Variants in LRBA observed in about 807,000 individuals in gnomAD.
LRBA encodes LPS responsive beige-like anchor protein.
In LRBA, 176 loss-of-function variants were observed where a neutral mutation model predicts 330.0. That is an observed-to-expected ratio of 0.53 (90% confidence interval 0.47 to 0.60). The LOEUF (loss-of-function observed/expected upper bound fraction) is 0.60. LRBA is among the 20% of genes least tolerant of loss of function. LRBA has a pLI of 0.00. For missense variants in LRBA, 3,259 were observed against 3,444.8 expected, an observed-to-expected ratio of 0.95 and a Z score of 1.35; for synonymous variants, 1,230 against 1,193.0, an observed-to-expected ratio of 1.03 and a Z score of -0.64.
chr4:150,542,148 A>C (rs1008998610), intron 40 of LRBA, among the ~76,000 whole-genome samples: 1 of 152,204 alleles, frequency 6.6e-6, no homozygotes, highest in Admixed American at 6.5e-5. Context: ...AATCTCAAAC[A>C]AAAATGGGTT....
At chr4:150,449,130 T>C (rs1045762406) in intron 44 of LRBA, among the ~76,000 whole-genome samples, 1 of 151,994 alleles carries the variant, frequency 6.6e-6, no homozygotes, top group African/African-American at 2.4e-5. Context: ...TCATTCCAGG[T>C]CCTAAGCAAA....
chr4:150,522,972 G>C (rs771645414), intron 40 of LRBA, among the ~76,000 whole-genome samples: 3 of 152,046 alleles, frequency 2.0e-5, no homozygotes, highest in Non-Finnish European at 4.4e-5. Flanking sequence ...TGGAGTTGTG[G>C]GACCTGTCCC....
At position 150,805,590 on chromosome 4, in the gene LRBA, GGAAAGGAAAGGAAAA is replaced by G. The variant is rs1186236176; in HGVS notation, c.5518+666_5518+680del. ...GGAAAGGAAAGGAAAGGAAAGGAAA[GGAAAGGAAAGGAAAA>G]GAAAGGAAAGGAAAGGAAAGGAGAA... On this transcript the variant is annotated intron_variant, in intron 33 of 56. Coordinates refer to ENST00000651943, the MANE Select transcript of LRBA (RefSeq NM_001364905.1). Among the ~76,000 whole-genome samples the G allele has an allele frequency of 7.5e-4, 79 of 105,458 alleles. 1 individual carries two copies. The highest frequency in any genetic ancestry group is 2.8e-3 in the African/African-American group (73 of 25,932). The allele number at this position is 105,458 out of a possible 152,430, so 69.2% of individuals were successfully genotyped here. A position where few individuals can be genotyped will look rare whatever the true frequency, so the allele number is the denominator to read the frequency against.
chr4:150,878,410 A>G (rs571825990), intron 17 of LRBA, among the ~76,000 whole-genome samples: 1 of 152,112 alleles, frequency 6.6e-6, no homozygotes, highest in African/African-American at 2.4e-5. Flanking sequence ...TAAAATTAAC[A>G]ATCTAACATC....
Position 150,849,396 on chromosome 4 carries a change from A to G in LRBA, c.4158+26T>C, listed in dbSNP as rs376873269. The stretch of plus-strand genomic sequence containing the variant: ...GCATAACACTCATGTTTTCACACCA[A>G]TTTTCTATAGTAATTAAGTCCTTAC... On this transcript the variant is annotated intron_variant, in intron 25 of 56. Transcript: ENST00000651943. The G allele has an allele frequency of 7.0e-5, 113 of 1,609,378 alleles. No homozygotes were observed. In the African/African-American group the frequency reaches 1.4e-3, roughly 20 times the overall value.
intron 44 of LRBA, among the ~76,000 whole-genome samples, chr4:150,449,797 T>C (rs990148565): frequency 5.3e-5 from 8 of 152,146 alleles, no homozygotes; most frequent in Non-Finnish European, 1.0e-4. Context: ...TAAAATCTTA[T>C]TCATATCCCA....
chr4:150,461,554 T>C (rs74769448), intron 44 of LRBA, among the ~76,000 whole-genome samples: 32,282 of 151,274 alleles, frequency 0.21, 4,303 homozygotes, highest in Non-Finnish European at 0.3. Flanking sequence ...TAAAAAACAA[T>C]AATGTTACCT....
At chr4:150,569,322 T>C (rs192288691) in intron 40 of LRBA, among the ~76,000 whole-genome samples, 97 of 152,282 alleles carry the variant, frequency 6.4e-4, no homozygotes, top group African/African-American at 2.3e-3. Context: ...TCACAATGTG[T>C]GTTTAACTTT....
At chr4:150,766,293 C>T (rs1735753253) in intron 34 of LRBA, among the ~76,000 whole-genome samples, 1 of 151,986 alleles carries the variant, frequency 6.6e-6, no homozygotes, top group East Asian at 1.9e-4. Flanking sequence ...CTCTATAATA[C>T]AGTCCTAATT....
intron 2 of LRBA, among the ~76,000 whole-genome samples, chr4:151,003,045 CGT>C (rs35823392): frequency 0.69 from 101,631 of 147,128 alleles, 38,507 homozygotes; most frequent in Non-Finnish European, 0.86. Flanking sequence ...TATGTGTTTG[CGT>C]GTGTGTGTGT....
chr4:150,619,406 C>T (rs1776089699), intron 37 of LRBA, among the ~76,000 whole-genome samples: 1 of 152,086 alleles, frequency 6.6e-6, no homozygotes, highest in African/African-American at 2.4e-5. Flanking sequence ...AAGCTTAACA[C>T]CTGTTTAACT....
At chr4:150,839,639 A>G (rs1051821546) in intron 28 of LRBA, among the ~76,000 whole-genome samples, 6 of 152,216 alleles carry the variant, frequency 3.9e-5, no homozygotes, top group African/African-American at 1.4e-4. Context: ...TTGCAAGGAC[A>G]AAAAACCAAA....
At chr4:150,613,358 G>GTGA (rs1210651254) in intron 37 of LRBA, among the ~76,000 whole-genome samples, 3 of 152,332 alleles carry the variant, frequency 2.0e-5, no homozygotes, top group Middle Eastern at 3.4e-3. Flanking sequence ...CTTCTTAGAA[G>GTGA]TGAGTAATCC....
At chr4:150,952,973 T>C (rs367565956) in intron 2 of LRBA, among the ~76,000 whole-genome samples, 16 of 152,104 alleles carry the variant, frequency 1.1e-4, no homozygotes, top group African/African-American at 3.6e-4. Flanking sequence ...CATCAAGCCC[T>C]TCGCCCATCT....
chr4:150,434,825 T>A (rs1366630620), intron 46 of LRBA, among the ~76,000 whole-genome samples: 1 of 151,288 alleles, frequency 6.6e-6, no homozygotes, highest in Non-Finnish European at 1.5e-5. Flanking sequence ...CCACTGCACC[T>A]CTAGCCTGAG....
chr4:150,377,902 G>C (rs1581153913), intron 47 of LRBA, among the ~76,000 whole-genome samples: 2 of 151,314 alleles, frequency 1.3e-5, no homozygotes, highest in Admixed American at 1.3e-4. Flanking sequence ...ACCTGGGAAG[G>C]GGAGGTTGCA....
intron 37 of LRBA, among the ~76,000 whole-genome samples, chr4:150,667,522 C>A (rs1236983662): frequency 6.6e-6 from 1 of 152,092 alleles, no homozygotes; most frequent in South Asian, 2.1e-4. Flanking sequence ...AATTTTCCCC[C>A]AAAAACCTGC....
At chr4:150,742,991 A>G (rs1008785851) in intron 35 of LRBA, among the ~76,000 whole-genome samples, 2 of 152,204 alleles carry the variant, frequency 1.3e-5, no homozygotes, top group Non-Finnish European at 2.9e-5. Context: ...TTTTGGAGAT[A>G]GAGTCTCACT....
At chr4:150,803,087 C>T (rs7672407) in intron 33 of LRBA, among the ~76,000 whole-genome samples, 2,306 of 111,700 alleles carry the variant, frequency 0.021, 33 homozygotes, top group African/African-American at 0.027. Flanking sequence ...TATATATACA[C>T]ACACACACAC....
Sources: gnomAD v4.1 joint callset for allele counts (sites outside exome capture counted in the v4.1 genomes callset) on GRCh38, gnomAD v4.1.1 for gene constraint, MANE v1.5 for transcripts, NCBI Gene and HGNC (gene_info 2026-07-23, HGNC 2026-07-21) for gene names.